Variants in ELL observed in about 807,000 individuals in gnomAD.
The protein encoded by ELL is elongation factor for RNA polymerase II.
ELL carries 18 observed loss-of-function variants against 64.0 expected under a neutral mutation model. The observed-to-expected ratio is 0.28, with a 90% CI of 0.19 to 0.42. The LOEUF (loss-of-function observed/expected upper bound fraction) is 0.42, where lower values mean the gene tolerates loss of function less well. ELL is among the 10% of genes least tolerant of loss of function. The probability of loss-of-function intolerance (pLI) is 1.00; values close to 1 mark genes in which losing one functional copy is unlikely to be tolerated. For missense variants in ELL, 797 were observed against 870.4 expected, an observed-to-expected ratio of 0.92 and a Z score of 1.06; for synonymous variants, 399 against 376.2, an observed-to-expected ratio of 1.06 and a Z score of -0.70.
chr19:18,447,769 A>G (rs911366706), intron 8 of ELL, among the ~76,000 whole-genome samples: 4 of 151,102 alleles, frequency 2.6e-5, no homozygotes, highest in Admixed American at 2.0e-4. Context: ...TCAATTTCAG[A>G]TGTATCCTCA....
intron 1 of ELL, among the ~76,000 whole-genome samples, chr19:18,487,544 A>G (rs1003893332): frequency 3.3e-5 from 5 of 152,206 alleles, no homozygotes; most frequent in African/African-American, 1.2e-4. Flanking sequence ...AACTTTAGAG[A>G]CAGAACCTGA....
At position 18,476,222 on chromosome 19, in the gene ELL, G is replaced by A. The variant is rs577260459; in HGVS notation, c.136-3340C>T. ...AGAGAGCAGGTGGGCCCCGTCTCTC[G>A]CGGTGCAAACCTCTGCAGAGGGGTC... On this transcript the variant is annotated intron_variant, in intron 1 of 11. Transcript: ENST00000262809. 6.1e-3 allele frequency among the ~76,000 whole-genome samples: 928 copies of A among 152,324 alleles called. 11 individuals are homozygous for A. Among genetic ancestry groups the A allele is most frequent in the Non-Finnish European group, 9.9e-3 (671 of 68,028 alleles).
At chr19:18,503,277 G>A (rs970721623) in intron 1 of ELL, among the ~76,000 whole-genome samples, 3 of 152,224 alleles carry the variant, frequency 2.0e-5, no homozygotes, top group Non-Finnish European at 2.9e-5. Flanking sequence ...ACCCTGGGGT[G>A]ATAAGTGGGA....
In ELL at chr19:18,449,813, G is replaced by C. The variant is rs1974484237; in HGVS notation, c.1465+664C>G. Among the ~76,000 whole-genome samples the C allele has an allele frequency of 6.6e-6, 1 of 152,220 alleles. No individual in the cohort carries two copies. Among genetic ancestry groups the C allele is most frequent in the Non-Finnish European group, 1.5e-5 (1 of 68,032 alleles). On this transcript the variant is annotated intron_variant, in intron 8 of 11. Transcript: ENST00000262809. The surrounding 1 kb of genome is among the most constrained non-coding windows in gnomAD (Gnocchi z 4.4). ...ACTGCTTCTGCTGGTTCCTATAAATGAACAGCTGCGCAGGCTCATGGCCAC... is the reference window on the plus strand; with the variant it reads ...ACTGCTTCTGCTGGTTCCTATAAATCAACAGCTGCGCAGGCTCATGGCCAC...
intron 6 of ELL, among the ~76,000 whole-genome samples, chr19:18,452,832 C>T (rs1440255919): frequency 1.3e-5 from 2 of 152,242 alleles, no homozygotes; most frequent in Non-Finnish European, 2.9e-5. Context: ...AGGACTAGGG[C>T]ACATCGGGAT....
At chr19:18,522,070 TC>T, upstream of ELL, 2 of 1,580,008 alleles carry the variant, frequency 1.3e-6, no homozygotes, top group East Asian at 2.4e-5. Flanking sequence ...CGACCATCTC[TC>T]CCCCGCGCCC....
At chr19:18,454,640 C>T (rs919315555) in intron 6 of ELL, among the ~76,000 whole-genome samples, 2 of 150,922 alleles carry the variant, frequency 1.3e-5, no homozygotes, top group African/African-American at 2.4e-5. Context: ...TGGGAGTTCC[C>T]GACCAGCCTG....
rs2144893549 is a variant in ELL, at chr19:18,450,776, T to C, written c.1166A>G (p.Glu389Gly). ...SSSTHLPPRL[E>G]PPRAHDPLAD... ...CAGGGGGTCGTGGGCCCTCGGGGGC[T>C]CCAGCCGCGGGGGCAGGTGAGTGCT... The change falls in exon 8 of 12, where the codon GAG (glutamate) becomes GGG (glycine). Residue 389 changes from glutamate to glycine, a missense_variant. Glu to Gly is a moderately conservative substitution (Grantham distance 98). Coordinates refer to ENST00000262809, the MANE Select transcript of ELL (RefSeq NM_006532.4). The C allele has an allele frequency of 1.3e-6, 2 of 1,579,380 alleles. No individual in the cohort carries two copies. Among genetic ancestry groups the C allele is most frequent in the Non-Finnish European group, 8.6e-7 (1 of 1,162,904 alleles).
At chr19:18,453,283 AAAAT>A (rs927558325) in intron 6 of ELL, among the ~76,000 whole-genome samples, 2 of 152,256 alleles carry the variant, frequency 1.3e-5, no homozygotes, top group African/African-American at 2.4e-5. Flanking sequence ...TCAAAAACAT[AAAAT>A]AAATAAATAA....
At chr19:18,467,495 C>G (rs1284662664) in intron 2 of ELL, among the ~76,000 whole-genome samples, 1 of 152,022 alleles carries the variant, frequency 6.6e-6, no homozygotes, top group Non-Finnish European at 1.5e-5. Context: ...CACACCTGAA[C>G]ACAAACACAC....
intron 11 of ELL, among the ~76,000 whole-genome samples, 161 bp downstream of exon 11, chr19:18,445,063 G>A (rs564636022): frequency 6.6e-6 from 1 of 152,328 alleles, no homozygotes; most frequent in African/African-American, 2.4e-5. Context: ...TGCCACAGCT[G>A]AAGACTTAGC....
chr19:18,492,310 T>C (rs955317600), intron 1 of ELL, among the ~76,000 whole-genome samples: 3 of 152,220 alleles, frequency 2.0e-5, no homozygotes, highest in Non-Finnish European at 4.4e-5. Flanking sequence ...CACTGCCCTA[T>C]GTGCAAGGAC....
intron 1 of ELL, among the ~76,000 whole-genome samples, chr19:18,516,656 G>A (rs1408904710): frequency 2.0e-5 from 3 of 152,084 alleles, no homozygotes; most frequent in Non-Finnish European, 4.4e-5. Context: ...CTCCAGGCAG[G>A]GACCAGCCCC....
Position 18,450,798 on chromosome 19 carries a change from T to C in ELL, c.1144A>G (p.Thr382Ala), listed in dbSNP as rs1029152461. The change falls in exon 8 of 12, where the codon ACT becomes GCT. Residue 382 changes from threonine to alanine, a missense_variant. Physicochemically the swap from Thr to Ala is moderately conservative, Grantham distance 58. Coordinates refer to ENST00000262809, the MANE Select transcript of ELL (RefSeq NM_006532.4). ...GGCTCCAGCCGCGGGGGCAGGTGAG[T>C]GCTGGAGCTGAGGGTGTCCGTGCTG... ...PASTDTLSSS[T>A]HLPPRLEPPR... The C allele has an allele frequency of 6.3e-7, 1 of 1,582,424 alleles. No homozygotes were observed. Among genetic ancestry groups the C allele is most frequent in the Non-Finnish European group, 8.6e-7 (1 of 1,164,280 alleles).
At chr19:18,482,009 C>T (rs1975309108) in intron 1 of ELL, among the ~76,000 whole-genome samples, 1 of 152,138 alleles carries the variant, frequency 6.6e-6, no homozygotes, top group Admixed American at 6.5e-5. Flanking sequence ...CCATCCACGT[C>T]AACATTTAGT....
intron 5 of ELL, among the ~76,000 whole-genome samples, chr19:18,458,736 G>A (rs1040259020): frequency 2.6e-5 from 4 of 152,104 alleles, no homozygotes; most frequent in African/African-American, 4.8e-5. Flanking sequence ...GTGCTCAAGC[G>A]ACCCTCCCAC....
intron 1 of ELL, among the ~76,000 whole-genome samples, chr19:18,497,647 T>C (rs1975685766): frequency 6.6e-6 from 1 of 151,370 alleles, no homozygotes; most frequent in East Asian, 1.9e-4. Context: ...AGCAAGACTG[T>C]CTAAAAAAAT....
intron 1 of ELL, among the ~76,000 whole-genome samples, chr19:18,492,395 A>T (rs1188238219): frequency 6.6e-6 from 1 of 152,210 alleles, no homozygotes; most frequent in African/African-American, 2.4e-5. Flanking sequence ...TGTTTTTCAT[A>T]AACTAAAACG....
At chr19:18,479,886 T>C (rs959896255) in intron 1 of ELL, among the ~76,000 whole-genome samples, 17 of 151,952 alleles carry the variant, frequency 1.1e-4, no homozygotes, top group African/African-American at 3.9e-4. Context: ...AGGCAGCAGG[T>C]GCCAAGGCTG....
Sources: allele counts gnomAD v4.1 joint callset (sites outside exome capture counted in the v4.1 genomes callset), GRCh38; gene constraint gnomAD v4.1.1; non-coding constraint Gnocchi (gnomAD v3.1); transcripts MANE v1.5; gene names NCBI Gene and HGNC (gene_info 2026-07-23, HGNC 2026-07-21).